The following TRIM37 variants were observed in gnomAD, a reference collection of about 807,000 sequenced individuals.
The protein encoded by TRIM37 is tripartite motif containing 37, also known as E3 ubiquitin-protein ligase TRIM37.
TRIM37 carries 80 observed loss-of-function variants against 129.8 expected under a neutral mutation model. The ratio of observed to expected loss-of-function variants is 0.62; its 90% confidence interval spans 0.51 to 0.74. The LOEUF is 0.74. TRIM37 is among the 30% of genes least tolerant of loss of function. TRIM37 has a pLI of 0.00. For synonymous variants in TRIM37, 389 were observed against 387.1 expected (o/e 1.00, Z -0.06); for missense variants, 1,054 against 1,176.5 (o/e 0.90, Z 1.52).
intron 2 of TRIM37, among the ~76,000 whole-genome samples, chr17:59,100,256 CTAAT>C (rs1379418769): frequency 2.6e-5 from 4 of 152,300 alleles, no homozygotes; most frequent in African/African-American, 4.8e-5. Context: ...CGTTCCATTA[CTAAT>C]TATTTACCCA....
Position 59,032,077 on chromosome 17 carries a change from A to G in TRIM37, c.1767T>C (p.Gly589=). The G allele has an allele frequency of 6.2e-7, 1 of 1,613,890 alleles. No homozygotes were observed. Among genetic ancestry groups the G allele is most frequent in the East Asian group, 2.2e-5 (1 of 44,888 alleles). ...AAAGPAGSSH[G]YVGSSSRISR... Reference sequence around the variant, plus strand: ...ATATTCTACTACTGGAACCCACATAACCATGGCTACTACCTGCAAAAGAGG... The same window carrying G: ...ATATTCTACTACTGGAACCCACATAGCCATGGCTACTACCTGCAAAAGAGG... Residue 589 remains glycine (G), a synonymous_variant, in exon 18 of 24, where the codon GGT becomes GGC. Transcript: ENST00000262294.
chr17:59,047,656 T>A (rs771656536), intron 16 of TRIM37, 27 bp downstream of exon 16: 1 of 1,605,648 alleles, frequency 6.2e-7, no homozygotes, highest in South Asian at 1.1e-5. Context: ...ACTTAAATGC[T>A]TTACAGTAGT....
intron 17 of TRIM37, among the ~76,000 whole-genome samples, chr17:59,033,742 C>T (rs1423282709): frequency 6.6e-6 from 1 of 151,654 alleles, no homozygotes; most frequent in Non-Finnish European, 1.5e-5. Context: ...TTTTCTTTTA[C>T]TAAGGAATTC....
chr17:59,032,669 G>A (rs1055461927), intron 17 of TRIM37, among the ~76,000 whole-genome samples: 4 of 151,876 alleles, frequency 2.6e-5, no homozygotes, highest in African/African-American at 9.7e-5. Context: ...AAAAACAGAT[G>A]ACAATGTGTA....
intron 7 of TRIM37, among the ~76,000 whole-genome samples, chr17:59,076,894 T>C (rs2042855219): frequency 6.6e-6 from 1 of 152,168 alleles, no homozygotes; most frequent in Non-Finnish European, 1.5e-5. Flanking sequence ...GTTCAAGTGA[T>C]TCTCCTGCCT....
Position 59,106,582 on chromosome 17 carries a change from G to T in TRIM37, c.-121C>A. ...AAAAGCCCGGCGCCCACGTCAGGGG[G>T]CTCTGACAACCGCCCCACCTGCGCG... is the stretch of plus-strand genomic sequence containing the variant. On this transcript the variant is annotated 5_prime_UTR_variant, in exon 1 of 24. Coordinates refer to ENST00000262294, the MANE Select transcript of TRIM37 (RefSeq NM_015294.6). 1 of 1,243,412 alleles carries T rather than the reference G, an allele frequency of 8.0e-7. No homozygotes were observed. The highest frequency in any genetic ancestry group is 1.1e-6 in the Non-Finnish European group (1 of 870,158). 77.0% of individuals were successfully genotyped at this position (1,243,412 alleles called of 1,614,324 possible). A position where few individuals can be genotyped will look rare whatever the true frequency, so the allele number is the denominator to read the frequency against.
At chr17:59,052,487 A>G (rs1462828914) in intron 13 of TRIM37, among the ~76,000 whole-genome samples, 1 of 152,222 alleles carries the variant, frequency 6.6e-6, no homozygotes, top group Non-Finnish European at 1.5e-5. Flanking sequence ...GTTATCTGGC[A>G]GTAGATATCT....
intron 3 of TRIM37, 92 bp downstream of exon 3, chr17:59,091,208 C>A: frequency 1.2e-6 from 1 of 820,846 alleles, no homozygotes; most frequent in Non-Finnish European, 1.9e-6. Context: ...GAGAAATGGG[C>A]AGACTGCAGG....
chr17:59,013,593 G>A (rs1431806244), intron 21 of TRIM37, among the ~76,000 whole-genome samples: 2 of 152,166 alleles, frequency 1.3e-5, no homozygotes, highest in African/African-American at 4.8e-5. Flanking sequence ...TGGGCAGGGG[G>A]TTGGAAAACT....
intron 22 of TRIM37, among the ~76,000 whole-genome samples, chr17:59,007,956 G>A (rs2034758322): frequency 6.6e-6 from 1 of 152,154 alleles, no homozygotes; most frequent in South Asian, 2.1e-4. Context: ...AAAGAGTCTT[G>A]TTTTTCCTAA....
chr17:59,031,146 C>CT (rs1329510003), intron 18 of TRIM37, among the ~76,000 whole-genome samples: 1 of 152,112 alleles, frequency 6.6e-6, no homozygotes, highest in African/African-American at 2.4e-5. Context: ...CTGCCTTGGA[C>CT]TTTGATTGAA....
chr17:58,970,240 T>G, the TRIM37 span, among the ~76,000 whole-genome samples: 2 of 152,222 alleles, frequency 1.3e-5, no homozygotes, highest in African/African-American at 4.8e-5. Context: ...ATTTTTCTCT[T>G]AATAGGGAGA....
intron 2 of TRIM37, among the ~76,000 whole-genome samples, chr17:59,102,965 C>A (rs1451070450): frequency 6.6e-6 from 1 of 151,888 alleles, no homozygotes; most frequent in East Asian, 1.9e-4. Context: ...CTCTGCCTCC[C>A]GGGTTCAAGT....
chr17:59,087,252 C>T (rs960066872), intron 4 of TRIM37, among the ~76,000 whole-genome samples: 4 of 151,986 alleles, frequency 2.6e-5, no homozygotes, highest in Admixed American at 6.6e-5. Flanking sequence ...TCCACCACGA[C>T]GCCCAGCTAA....
chr17:59,009,986 T>G (rs1237656959), intron 22 of TRIM37, among the ~76,000 whole-genome samples: 1 of 152,196 alleles, frequency 6.6e-6, no homozygotes, highest in African/African-American at 2.4e-5. Flanking sequence ...CGTCCTATAT[T>G]ACAACTGGCT....
intron 17 of TRIM37, among the ~76,000 whole-genome samples, chr17:59,036,725 C>T (rs1471880214): frequency 1.3e-5 from 2 of 152,024 alleles, no homozygotes; most frequent in African/African-American, 2.4e-5. Flanking sequence ...TTATACCTAG[C>T]TTTTATATAA....
chr17:59,087,288 G>T (rs1364919436), intron 4 of TRIM37, among the ~76,000 whole-genome samples: 2 of 151,498 alleles, frequency 1.3e-5, no homozygotes, highest in African/African-American at 4.9e-5. Context: ...TAGAGACAGG[G>T]TTCTCCATGT....
At chr17:58,972,642 C>T in the TRIM37 span, among the ~76,000 whole-genome samples, 3 of 152,152 alleles carry the variant, frequency 2.0e-5, no homozygotes, top group South Asian at 2.1e-4. Flanking sequence ...TGAGCCACCG[C>T]GCCCGGCCAG....
At chr17:58,980,584 G>A (rs781198246), downstream of TRIM37, 2 of 1,614,088 alleles carry the variant, frequency 1.2e-6, no homozygotes, top group Non-Finnish European at 1.7e-6. This position sits in a 1 kb window ranked among gnomAD's most constrained non-coding sequence, Gnocchi z 4.7. Context: ...ATGAGTTAAT[G>A]ATGGAGAAAA....
Sources: allele counts gnomAD v4.1 joint callset (sites outside exome capture counted in the v4.1 genomes callset), GRCh38; gene constraint gnomAD v4.1.1; non-coding constraint Gnocchi (gnomAD v3.1); transcripts MANE v1.5; gene names NCBI Gene and HGNC (gene_info 2026-07-23, HGNC 2026-07-21).